NAALADL2: variants seen among roughly 807,000 people sequenced by gnomAD.
NAALADL2 encodes inactive N-acetylated-alpha-linked acidic dipeptidase-like protein 2.
In NAALADL2, 76 loss-of-function variants were observed where a neutral mutation model predicts 87.2. The ratio of observed to expected loss-of-function variants is 0.87; its 90% CI spans 0.72 to 1.05. The LOEUF (loss-of-function observed/expected upper bound fraction) is 1.05, where lower values mean the gene tolerates loss of function less well. Among genes scored for constraint, NAALADL2 ranks in the 50% least tolerant of loss-of-function variants. NAALADL2 has a pLI of 0.00. For missense variants in NAALADL2, 1,089 were observed against 945.8 expected, an observed-to-expected ratio of 1.15 and a Z score of -1.99; for synonymous variants, 354 against 331.0, an observed-to-expected ratio of 1.07 and a Z score of -0.75.
intron 3 of NAALADL2, among the ~76,000 whole-genome samples, chr3:174,821,763 A>T (rs1432155388): frequency 6.6e-6 from 1 of 152,198 alleles, no homozygotes; most frequent in Admixed American, 6.6e-5. Context: ...AAGGAAGATA[A>T]GAATATCAGA....
intron 2 of NAALADL2, among the ~76,000 whole-genome samples, chr3:174,612,296 C>T (rs887190097): frequency 3.3e-5 from 5 of 151,988 alleles, no homozygotes; most frequent in Admixed American, 6.6e-5. Context: ...GCTTGTGTCC[C>T]GTAACCTTCT....
chr3:175,261,364 G>T (rs1242618289), intron 4 of NAALADL2, among the ~76,000 whole-genome samples: 2 of 152,032 alleles, frequency 1.3e-5, no homozygotes, highest in African/African-American at 2.4e-5. Flanking sequence ...ATAACAAAAA[G>T]TTACTGTGTA....
intron 1 of NAALADL2, among the ~76,000 whole-genome samples, chr3:174,924,970 G>A (rs1735778510): frequency 6.6e-6 from 1 of 152,002 alleles, no homozygotes; most frequent in African/African-American, 2.4e-5. Context: ...CTGGATATTA[G>A]CCCTTTGTCA....
At chr3:174,759,061 T>C (rs955221656) in intron 3 of NAALADL2, among the ~76,000 whole-genome samples, 1 of 152,218 alleles carries the variant, frequency 6.6e-6, no homozygotes, top group African/African-American at 2.4e-5. Context: ...TTTTTTCTTT[T>C]GTTGGTAGAA....
chr3:175,023,109 A>G (rs1255418894), intron 1 of NAALADL2, among the ~76,000 whole-genome samples: 1 of 152,094 alleles, frequency 6.6e-6, no homozygotes, highest in Admixed American at 6.6e-5. Flanking sequence ...GCATGTCAAA[A>G]TATTTTCAAG....
rs922709491 is a variant in NAALADL2, at chr3:174,832,184, G to C, written c.-9+94438G>C. Among the ~76,000 whole-genome samples the C allele has an allele frequency of 7.9e-5, 12 of 152,058 alleles. No homozygotes were observed. The South Asian group carries it at 8.3e-4, about 11-fold the overall frequency. ...TGTGTTTGCTCTTGCTTTTCTAGTTGTTTTAATTGTGATGTTAGGGTGTCA... is the reference window on the plus strand; with the variant it reads ...TGTGTTTGCTCTTGCTTTTCTAGTTCTTTTAATTGTGATGTTAGGGTGTCA... On this transcript the variant is annotated intron_variant, in intron 3 of 3. Coordinates refer to the NAALADL2 transcript ENST00000434257.
At chr3:174,587,367 C>T (rs1016011984) in intron 2 of NAALADL2, among the ~76,000 whole-genome samples, 1 of 152,016 alleles carries the variant, frequency 6.6e-6, no homozygotes, top group African/African-American at 2.4e-5. Context: ...AGCATTTAGC[C>T]CATTTACATT....
intron 2 of NAALADL2, among the ~76,000 whole-genome samples, chr3:175,097,632 G>T (rs1278993911): frequency 6.6e-6 from 1 of 152,026 alleles, no homozygotes. Flanking sequence ...TAAAAACTAG[G>T]ACATTAGCCA....
At chr3:175,423,806 G>A (rs140267072) in intron 5 of NAALADL2, among the ~76,000 whole-genome samples, 1,702 of 152,204 alleles carry the variant, frequency 0.011, 16 homozygotes, top group Non-Finnish European at 0.018. Flanking sequence ...GGGTCAAATG[G>A]TATTTCTAGT....
At chr3:174,535,705 G>A (rs1364027045) in intron 1 of NAALADL2, among the ~76,000 whole-genome samples, 1 of 151,994 alleles carries the variant, frequency 6.6e-6, no homozygotes, top group East Asian at 1.9e-4. Context: ...TCTGGGATCT[G>A]TATATGCCCA....
At chr3:174,456,265 G>A (rs969232987) in intron 1 of NAALADL2, among the ~76,000 whole-genome samples, 9 of 152,024 alleles carry the variant, frequency 5.9e-5, no homozygotes, top group African/African-American at 2.2e-4. Flanking sequence ...AATCAATGTT[G>A]TTAAAATGAC....
chr3:175,593,353 G>C (rs1313353085), intron 10 of NAALADL2, among the ~76,000 whole-genome samples: 1 of 152,162 alleles, frequency 6.6e-6, no homozygotes, highest in Non-Finnish European at 1.5e-5. Context: ...TCTCTTCATA[G>C]TGAGTATGCT....
At chr3:175,164,328 CTT>C (rs1733678605) in intron 2 of NAALADL2, among the ~76,000 whole-genome samples, 1 of 151,374 alleles carries the variant, frequency 6.6e-6, no homozygotes, top group Admixed American at 6.6e-5. Context: ...CATATATAAA[CTT>C]TTATTTTGCA....
At chr3:174,757,972 T>G (rs994062739) in intron 3 of NAALADL2, among the ~76,000 whole-genome samples, 13 of 152,240 alleles carry the variant, frequency 8.5e-5, no homozygotes, top group African/African-American at 2.9e-4. Flanking sequence ...ATTTTAACTT[T>G]TGTTTTCCAG....
At chr3:174,815,315 T>G (rs1236712722) in intron 3 of NAALADL2, among the ~76,000 whole-genome samples, 4 of 152,226 alleles carry the variant, frequency 2.6e-5, no homozygotes, top group Non-Finnish European at 5.9e-5. Flanking sequence ...TTCTGAGGAC[T>G]GTGAGAGAGG....
At chr3:175,399,648 T>G (rs2149052895) in intron 5 of NAALADL2, among the ~76,000 whole-genome samples, 1 of 152,216 alleles carries the variant, frequency 6.6e-6, no homozygotes, top group East Asian at 1.9e-4. Context: ...TTGGTTTTGG[T>G]GGGTTTTGGC....
chr3:175,641,384 C>T (rs1729269518), intron 11 of NAALADL2, among the ~76,000 whole-genome samples: 1 of 152,148 alleles, frequency 6.6e-6, no homozygotes, highest in Admixed American at 6.5e-5. Flanking sequence ...TTCCGTCCTT[C>T]AGTATGTTTA....
At chr3:175,121,751 C>A (rs1313567559) in intron 2 of NAALADL2, among the ~76,000 whole-genome samples, 3 of 151,818 alleles carry the variant, frequency 2.0e-5, no homozygotes, top group African/African-American at 7.3e-5. Context: ...CCAAGATACC[C>A]CCAGATTCAA....
At chr3:175,254,892 C>A (rs1581138318) in intron 3 of NAALADL2, among the ~76,000 whole-genome samples, 2 of 152,078 alleles carry the variant, frequency 1.3e-5, no homozygotes, top group East Asian at 1.9e-4. Flanking sequence ...AATTAAATTT[C>A]CCTGACAAAT....
Sources: gnomAD v4.1 joint callset for allele counts (sites outside exome capture counted in the v4.1 genomes callset) on GRCh38, gnomAD v4.1.1 for gene constraint, MANE v1.5 for transcripts, NCBI Gene and HGNC (gene_info 2026-07-23, HGNC 2026-07-21) for gene names.